PDE4D: variants seen among roughly 807,000 people sequenced by gnomAD.
The protein encoded by PDE4D is phosphodiesterase 4D.
In PDE4D, 24 loss-of-function variants were observed where a neutral mutation model predicts 87.4. The observed-to-expected ratio is 0.27, with a 90% CI of 0.20 to 0.39. The LOEUF (loss-of-function observed/expected upper bound fraction) is 0.39, where lower values mean the gene tolerates loss of function less well. Ranked by LOEUF, PDE4D falls within the 10% of genes least tolerant of loss-of-function variation. PDE4D has a pLI of 1.00. For missense variants in PDE4D, 714 were observed against 1,041.0 expected (o/e 0.69, Z 4.32); for synonymous variants, 384 against 383.2 (o/e 1.00, Z -0.02).
At chr5:59,121,949 C>T (rs141903563) in intron 5 of PDE4D, among the ~76,000 whole-genome samples, 2 of 151,990 alleles carry the variant, frequency 1.3e-5, no homozygotes, top group African/African-American at 4.8e-5. Context: ...CCAGACCAGC[C>T]TGGCCAATAT....
chr5:59,508,032 A>G (rs1809601163), intron 1 of PDE4D, among the ~76,000 whole-genome samples: 1 of 152,206 alleles, frequency 6.6e-6, no homozygotes, highest in African/African-American at 2.4e-5. Flanking sequence ...TCATTAAATT[A>G]AAAGTTTTTG....
intron 5 of PDE4D, among the ~76,000 whole-genome samples, chr5:59,091,900 G>A (rs1768814836): frequency 6.6e-6 from 1 of 152,060 alleles, no homozygotes; most frequent in Admixed American, 6.6e-5. Context: ...AACTGCTGAT[G>A]AAAATCACCA....
chr5:59,043,797 C>A (rs1299424679), intron 5 of PDE4D, among the ~76,000 whole-genome samples: 1 of 150,414 alleles, frequency 6.6e-6, no homozygotes, highest in Non-Finnish European at 1.5e-5. Context: ...TGAGTGAGAA[C>A]ATGCGGTATT....
At chr5:60,208,781 A>C (rs1167863651) in intron 1 of PDE4D, among the ~76,000 whole-genome samples, 1 of 152,224 alleles carries the variant, frequency 6.6e-6, no homozygotes, top group Non-Finnish European at 1.5e-5. Context: ...CTATCTGTGG[A>C]CTAGCAATGG....
At chr5:59,635,068 C>A (rs989260194) in intron 1 of PDE4D, among the ~76,000 whole-genome samples, 1 of 152,054 alleles carries the variant, frequency 6.6e-6, no homozygotes, top group African/African-American at 2.4e-5. Flanking sequence ...CATCATTGAT[C>A]CCACAGAAAT....
At chr5:59,416,678 AG>A (rs1367559259) in intron 1 of PDE4D, among the ~76,000 whole-genome samples, 3 of 152,226 alleles carry the variant, frequency 2.0e-5, no homozygotes, top group Admixed American at 6.5e-5. Context: ...CCCCAAAGTT[AG>A]ATCATCCAGA....
rs56306218 is a variant in PDE4D, at chr5:59,081,518, T to TTAAAAA, written c.809-42548_809-42547insTTTTTA. The stretch of plus-strand genomic sequence containing the variant: ...ACCTCATGACCAGGAAGTAATCAGG[T>TTAAAAA]AAAAAAAAAAAAGAAAAAAAGTGGG... On this transcript the variant is annotated intron_variant, in intron 5 of 14. Transcript: ENST00000340635. Among the ~76,000 whole-genome samples the TTAAAAA allele has an allele frequency of 6.6e-5, 9 of 135,438 alleles. 1 individual carries two copies. Among genetic ancestry groups the TTAAAAA allele is most frequent in the Non-Finnish European group, 1.1e-4 (7 of 64,366 alleles). 88.9% of individuals were successfully genotyped at this position (135,438 alleles called of 152,430 possible).
intron 1 of PDE4D, among the ~76,000 whole-genome samples, chr5:60,451,708 A>C (rs1241100013): frequency 6.6e-6 from 1 of 152,110 alleles, no homozygotes; most frequent in Non-Finnish European, 1.5e-5. Flanking sequence ...AAGCCAAAGA[A>C]GAATTCCCTT....
At chr5:59,496,113 G>A (rs1807134258) in intron 1 of PDE4D, among the ~76,000 whole-genome samples, 1 of 152,152 alleles carries the variant, frequency 6.6e-6, no homozygotes. Context: ...GGAGCCAGAA[G>A]GGAGATGGTT....
chr5:59,346,103 G>C (rs888872067), intron 1 of PDE4D, among the ~76,000 whole-genome samples: 13 of 151,260 alleles, frequency 8.6e-5, no homozygotes, highest in Non-Finnish European at 7.4e-5. Context: ...AATAAAATAA[G>C]AGTTTATATT....
chr5:60,050,115 T>A (rs1441026282), intron 2 of PDE4D, among the ~76,000 whole-genome samples: 1 of 151,946 alleles, frequency 6.6e-6, no homozygotes, highest in Non-Finnish European at 1.5e-5. Flanking sequence ...CAGGTGGGAG[T>A]GACCCAATTT....
At chr5:60,247,169 T>A (rs1747880262) in intron 1 of PDE4D, among the ~76,000 whole-genome samples, 1 of 151,972 alleles carries the variant, frequency 6.6e-6, no homozygotes, top group Non-Finnish European at 1.5e-5. Flanking sequence ...AGAACCTCAA[T>A]TTTCCATTTC....
rs189519955 is a variant in PDE4D at position 60,419,336 on chromosome 5, C to T, written c.-90+68606G>A. 2.2e-3 allele frequency among the ~76,000 whole-genome samples: 330 copies of T among 151,704 alleles called. 1 individual carries two copies. The highest frequency in any genetic ancestry group is 7.7e-3 in the African/African-American group (318 of 41,336). Reference sequence around the variant, plus strand: ...CTTTATATATTAATATGTATAGCCTCCAAGATATGTCATTAAGTAGAAAAA... The same window carrying T: ...CTTTATATATTAATATGTATAGCCTTCAAGATATGTCATTAAGTAGAAAAA... On this transcript the variant is annotated intron_variant, in intron 1 of 16. Transcript: ENST00000502484.
intron 1 of PDE4D, among the ~76,000 whole-genome samples, chr5:60,413,715 AT>A (rs5868241): frequency 3.0e-3 from 425 of 144,038 alleles, no homozygotes; most frequent in Non-Finnish European, 3.7e-3. Context: ...TTTTTCGTTT[AT>A]TTTTTTTTTT....
chr5:59,872,225 C>T (rs1311021932), intron 1 of PDE4D, among the ~76,000 whole-genome samples: 1 of 150,436 alleles, frequency 6.6e-6, no homozygotes, highest in Non-Finnish European at 1.5e-5. Flanking sequence ...ATCCTGTAAA[C>T]AATGCAAAAC....
At chr5:59,952,473 G>T (rs1392948854) in intron 3 of PDE4D, among the ~76,000 whole-genome samples, 3 of 152,062 alleles carry the variant, frequency 2.0e-5, no homozygotes, top group Non-Finnish European at 4.4e-5. Context: ...TCCTCCCATA[G>T]CATATTATAT....
At chr5:59,640,182 C>G (rs1321903699) in intron 1 of PDE4D, among the ~76,000 whole-genome samples, 3 of 151,960 alleles carry the variant, frequency 2.0e-5, no homozygotes, top group Admixed American at 6.6e-5. Context: ...TGATTTTTAC[C>G]ATAACCTTGG....
chr5:59,315,465 A>AG (rs1773522938), intron 1 of PDE4D, among the ~76,000 whole-genome samples: 1 of 152,012 alleles, frequency 6.6e-6, no homozygotes, highest in African/African-American at 2.4e-5. Flanking sequence ...CACACTCTTG[A>AG]GGGGGGAATA....
intron 1 of PDE4D, among the ~76,000 whole-genome samples, chr5:59,646,136 G>T (rs1185402286): frequency 6.6e-6 from 1 of 152,028 alleles, no homozygotes; most frequent in Admixed American, 6.6e-5. Context: ...TTATAATCTG[G>T]TGTGATTTAG....
Sources: allele counts gnomAD v4.1 joint callset (sites outside exome capture counted in the v4.1 genomes callset), GRCh38; gene constraint gnomAD v4.1.1; transcripts MANE v1.5; gene names NCBI Gene and HGNC (gene_info 2026-07-23, HGNC 2026-07-21).